Variants in ADAMTSL3 observed in about 807,000 individuals in gnomAD.
ADAMTSL3 encodes the protein ADAMTS-like protein 3.
Under a neutral mutation model 201.7 loss-of-function variants are expected in ADAMTSL3, and 128 were observed. The observed-to-expected ratio is 0.63, with a 90% CI of 0.55 to 0.73. ADAMTSL3 has a LOEUF of 0.73. Among genes scored for constraint, ADAMTSL3 ranks in the 30% least tolerant of loss-of-function variants. The pLI, the probability that ADAMTSL3 is intolerant of heterozygous loss-of-function variation, is 0.00. For synonymous variants in ADAMTSL3, 738 were observed against 748.4 expected (o/e 0.99, Z 0.23); for missense variants, 1,990 against 2,119.6 (o/e 0.94, Z 1.20).
At chr15:83,818,472 A>C (rs1475046429) in intron 5 of ADAMTSL3, among the ~76,000 whole-genome samples, 1 of 152,084 alleles carries the variant, frequency 6.6e-6, no homozygotes, top group Non-Finnish European at 1.5e-5. Context: ...GACTACAGGC[A>C]TGCGCCACCA....
At chr15:83,760,672 T>C (rs1294754276) in intron 3 of ADAMTSL3, among the ~76,000 whole-genome samples, 1 of 152,140 alleles carries the variant, frequency 6.6e-6, no homozygotes, top group Non-Finnish European at 1.5e-5. Flanking sequence ...GGTTATGTTG[T>C]TAGGTACTTT....
chr15:83,655,781 CCTG>C lies in ADAMTSL3; in HGVS notation c.21_23del (p.Trp9del). Reference sequence around the variant, plus strand: ...GACCCCATGGCTTCCTGGACGAGCCCCTGGTGGGTGCTGATAGGGATGGTCTTC... The same window carrying C: ...GACCCCATGGCTTCCTGGACGAGCCCGTGGGTGCTGATAGGGATGGTCTTC... On this transcript the variant is annotated inframe_deletion, in exon 2 of 30. Transcript: ENST00000286744. The C allele has an allele frequency of 6.2e-7, 1 of 1,614,102 alleles. No individual in the cohort carries two copies.
intron 2 of ADAMTSL3, among the ~76,000 whole-genome samples, chr15:83,672,996 T>C (rs2585042): frequency 0.85 from 129,799 of 152,266 alleles, 55,810 homozygotes; most frequent in East Asian, 0.96. Context: ...GGAGCACTTA[T>C]GCTGCACCCT....
At chr15:83,823,041 G>A (rs1444861400) in intron 6 of ADAMTSL3, among the ~76,000 whole-genome samples, 9 of 151,920 alleles carry the variant, frequency 5.9e-5, no homozygotes, top group Non-Finnish European at 8.8e-5. Context: ...AAAAAAATAC[G>A]AAAACCAGTC....
intron 4 of ADAMTSL3, among the ~76,000 whole-genome samples, chr15:83,786,256 C>T (rs908788610): frequency 1.3e-5 from 2 of 152,146 alleles, no homozygotes; most frequent in Admixed American, 6.6e-5. Context: ...GGATTACAAG[C>T]GTTAGCCACC....
At chr15:83,743,798 T>A (rs1285180222) in intron 3 of ADAMTSL3, among the ~76,000 whole-genome samples, 1 of 152,118 alleles carries the variant, frequency 6.6e-6, no homozygotes, top group African/African-American at 2.4e-5. Context: ...TCTAGTGTAA[T>A]AATGGATGTT....
intron 2 of ADAMTSL3, among the ~76,000 whole-genome samples, chr15:83,687,010 G>A (rs1358559654): frequency 6.7e-6 from 1 of 150,372 alleles, no homozygotes; most frequent in Non-Finnish European, 1.5e-5. Context: ...GGGCAACACA[G>A]CAGGACCCTG....
In ADAMTSL3 at chr15:83,949,335, G is replaced by A. The variant is rs1044524811; in HGVS notation, c.2490+6253G>A. On this transcript the variant is annotated intron_variant, in intron 19 of 29. Coordinates refer to ENST00000286744, the MANE Select transcript of ADAMTSL3 (RefSeq NM_207517.3). The stretch of plus-strand genomic sequence containing the variant: ...TCCATCCATGTTGTTGCAGATGATA[G>A]GATCTCATTCTTTTTTATGGCTGAA... 6.6e-5 allele frequency among the ~76,000 whole-genome samples: 10 copies of A among 152,196 alleles called. No individual in the cohort carries two copies. In the South Asian group the frequency reaches 2.1e-3, roughly 32 times the overall value.
chr15:83,857,391 A>G (rs754863074), intron 7 of ADAMTSL3, among the ~76,000 whole-genome samples: 1 of 152,056 alleles, frequency 6.6e-6, no homozygotes, highest in Non-Finnish European at 1.5e-5. Flanking sequence ...CCACTGCCCT[A>G]TTTTTTAACC....
At chr15:83,725,708 G>T (rs1189386423) in intron 3 of ADAMTSL3, among the ~76,000 whole-genome samples, 2 of 152,044 alleles carry the variant, frequency 1.3e-5, no homozygotes, top group Non-Finnish European at 2.9e-5. Context: ...GTTCACTGTA[G>T]AAGTATGCAT....
At chr15:83,926,774 C>G (rs1286051850) in intron 17 of ADAMTSL3, among the ~76,000 whole-genome samples, 1 of 152,012 alleles carries the variant, frequency 6.6e-6, no homozygotes, top group Non-Finnish European at 1.5e-5. Flanking sequence ...TGCCACCATG[C>G]CCAGATAATT....
chr15:83,991,382 G>A (rs1290739746), intron 23 of ADAMTSL3, among the ~76,000 whole-genome samples, 168 bp downstream of exon 23: 1 of 152,206 alleles, frequency 6.6e-6, no homozygotes, highest in Non-Finnish European at 1.5e-5. Flanking sequence ...TCTCAAGGGT[G>A]AGGTCATACT....
At chr15:83,740,224 A>G in intron 3 of ADAMTSL3, 1 of 173,954 alleles carries the variant, frequency 5.7e-6, no homozygotes, top group Non-Finnish European at 1.3e-5. Flanking sequence ...CTCATTTTAG[A>G]CACTCATGGA....
At chr15:83,708,578 A>T (rs1234724374) in intron 3 of ADAMTSL3, among the ~76,000 whole-genome samples, 1 of 152,248 alleles carries the variant, frequency 6.6e-6, no homozygotes, top group African/African-American at 2.4e-5. Context: ...AGGACTAGTC[A>T]GGCAGCCTGG....
Position 83,921,903 on chromosome 15 carries a change from A to G in ADAMTSL3, c.1988-2001A>G, listed in dbSNP as rs187792049. On this transcript the variant is annotated intron_variant, in intron 16 of 29. Coordinates refer to ENST00000286744, the MANE Select transcript of ADAMTSL3 (RefSeq NM_207517.3). ...GTCTCACTATGTTGCCACAAGCTAT[A>G]TAGGTTTTTCTTTTTCTAAAAAAAA... Among the ~76,000 whole-genome samples the G allele has an allele frequency of 1.5e-3, 220 of 150,494 alleles. 1 individual carries two copies. Among genetic ancestry groups the G allele is most frequent in the Middle Eastern group, 3.4e-3 (1 of 294 alleles).
chr15:83,898,891 C>G (rs957707333), intron 14 of ADAMTSL3, among the ~76,000 whole-genome samples: 14 of 152,276 alleles, frequency 9.2e-5, no homozygotes, highest in Admixed American at 5.9e-4. Context: ...TTGAGTACGT[C>G]TATCTTGCAG....
At chr15:83,911,830 A>T (rs11259936) in intron 15 of ADAMTSL3, among the ~76,000 whole-genome samples, 1 of 151,968 alleles carries the variant, frequency 6.6e-6, no homozygotes, top group Non-Finnish European at 1.5e-5. Context: ...TTGGAACTGC[A>T]TCTTAAACAA....
At chr15:83,882,110 C>T (rs556613240) in intron 9 of ADAMTSL3, among the ~76,000 whole-genome samples, 81 of 152,006 alleles carry the variant, frequency 5.3e-4, no homozygotes, top group African/African-American at 1.9e-3. Flanking sequence ...GAGCCGAGAT[C>T]GCGCCACTGC....
chr15:83,977,787 G>T (rs546825312), intron 20 of ADAMTSL3, among the ~76,000 whole-genome samples: 8 of 152,206 alleles, frequency 5.3e-5, no homozygotes, highest in Non-Finnish European at 8.8e-5. Flanking sequence ...ACTGAAATTG[G>T]TGGAAGAGTA....
Sources: gnomAD v4.1 joint callset for allele counts (sites outside exome capture counted in the v4.1 genomes callset) on GRCh38, gnomAD v4.1.1 for gene constraint, MANE v1.5 for transcripts, NCBI Gene and HGNC (gene_info 2026-07-23, HGNC 2026-07-21) for gene names.